DOCK9: variants seen among roughly 807,000 people sequenced by gnomAD.
DOCK9 encodes the protein dedicator of cytokinesis protein 9.
In DOCK9, 89 loss-of-function variants were observed where a neutral mutation model predicts 263.3. The ratio of observed to expected loss-of-function variants is 0.34; its 90% CI spans 0.28 to 0.40. The LOEUF is 0.40. DOCK9 is among the 10% of genes least tolerant of loss of function. The pLI is 1.00. For missense variants in DOCK9, 2,140 were observed against 2,603.4 expected, an observed-to-expected ratio of 0.82 and a Z score of 3.87; for synonymous variants, 976 against 973.1, an observed-to-expected ratio of 1.00 and a Z score of -0.06.
chr13:98,857,310 G>A (rs1359631211), intron 33 of DOCK9: 2 of 152,166 alleles, frequency 1.3e-5, no homozygotes, highest in East Asian at 3.9e-4. Context: ...CATGGACTGG[G>A]ATACTTCTAA....
At chr13:98,957,101 G>A (rs1298872198) in intron 1 of DOCK9, among the ~76,000 whole-genome samples, 1 of 152,096 alleles carries the variant, frequency 6.6e-6, no homozygotes, top group Non-Finnish European at 1.5e-5. Flanking sequence ...CCTTCCACGT[G>A]GCCCCTCCTC....
intron 1 of DOCK9, among the ~76,000 whole-genome samples, chr13:99,001,641 C>G (rs887066581): frequency 3.9e-5 from 6 of 152,174 alleles, no homozygotes; most frequent in African/African-American, 2.4e-5. Context: ...AGATGATAAG[C>G]CTATGGCTGA....
chr13:98,797,356 C>T (rs758409181), intron 51 of DOCK9, 33 bp downstream of exon 51: 13 of 1,609,420 alleles, frequency 8.1e-6, no homozygotes, highest in East Asian at 4.5e-5. Flanking sequence ...GATCAATACT[C>T]GAAGAGAAAA....
chr13:98,899,478 T>C lies in DOCK9; in HGVS notation c.1504-1217A>G, dbSNP rs151021161. On this transcript the variant is annotated intron_variant, in intron 13 of 52. Coordinates refer to ENST00000682017, the MANE Select transcript of DOCK9 (RefSeq NM_001366683.2). ...CATGCTGTAGGAACTGCTGCCTTCA[T>C]GAGTAACCTGGAAAATACATCCTAA... is the stretch of plus-strand genomic sequence containing the variant. Among the ~76,000 whole-genome samples, 694 of 152,322 alleles carry C rather than the reference T, an allele frequency of 4.6e-3. 7 individuals carry two copies. The highest frequency in any genetic ancestry group is 0.026 in the South Asian group (125 of 4,824).
chr13:98,969,571 T>C (rs2059533280), intron 1 of DOCK9, among the ~76,000 whole-genome samples: 1 of 151,574 alleles, frequency 6.6e-6, no homozygotes, highest in Non-Finnish European at 1.5e-5. Context: ...GAGACTGGAG[T>C]ATAAACCTTC....
intron 1 of DOCK9, among the ~76,000 whole-genome samples, chr13:99,072,335 G>A (rs2142382631): frequency 6.6e-6 from 1 of 152,276 alleles, no homozygotes; most frequent in East Asian, 1.9e-4. Context: ...AGAGGGTGAA[G>A]TAGGACATTG....
chr13:98,894,501 C>T (rs2047084697), intron 15 of DOCK9, among the ~76,000 whole-genome samples: 1 of 151,896 alleles, frequency 6.6e-6, no homozygotes, highest in Non-Finnish European at 1.5e-5. Flanking sequence ...TATAGTAATA[C>T]AGATATATTT....
chr13:99,080,260 T>TACAC (rs35014572), intron 1 of DOCK9, among the ~76,000 whole-genome samples: 1 of 151,736 alleles, frequency 6.6e-6, no homozygotes, highest in African/African-American at 2.4e-5. Context: ...CCTAAGTGCC[T>TACAC]ACACACACAC....
intron 1 of DOCK9, among the ~76,000 whole-genome samples, chr13:99,040,944 T>G (rs1400115098): frequency 6.6e-6 from 1 of 152,188 alleles, no homozygotes; most frequent in African/African-American, 2.4e-5. Context: ...GAGTTGGTTT[T>G]CTGATTCCCA....
intron 49 of DOCK9, among the ~76,000 whole-genome samples, chr13:98,804,756 G>T (rs549516968): frequency 6.6e-6 from 1 of 152,316 alleles, no homozygotes; most frequent in East Asian, 1.9e-4. Flanking sequence ...TCTCAGAAGG[G>T]TAAGTGACCT....
rs1746755306 is a variant in DOCK9, at chr13:98,853,394, A to C, written c.3946+14T>G. The C allele has an allele frequency of 9.0e-6, 14 of 1,564,086 alleles. No homozygotes were observed. The highest frequency in any genetic ancestry group is 1.2e-5 in the Non-Finnish European group (14 of 1,145,704). Reference sequence around the variant, plus strand: ...TGAAACGAGCAAAACAGAAATCTCCATTTTTTAACCTACCATCAGACATGC... The same window carrying C: ...TGAAACGAGCAAAACAGAAATCTCCCTTTTTTAACCTACCATCAGACATGC... On this transcript the variant is annotated intron_variant, in intron 35 of 52. Coordinates refer to ENST00000682017, the MANE Select transcript of DOCK9 (RefSeq NM_001366683.2).
intron 1 of DOCK9, among the ~76,000 whole-genome samples, chr13:98,963,828 AG>A (rs1438666746): frequency 6.6e-6 from 1 of 152,252 alleles, no homozygotes; most frequent in Non-Finnish European, 1.5e-5. Context: ...TGCAACAAAA[AG>A]GGGCTTCTGA....
chr13:98,989,004 T>C (rs1370556006), intron 1 of DOCK9, among the ~76,000 whole-genome samples: 1 of 152,106 alleles, frequency 6.6e-6, no homozygotes, highest in Non-Finnish European at 1.5e-5. Context: ...CCCTGGCCCT[T>C]CCTCACCACT....
chr13:98,865,353 C>T (rs73556938), intron 30 of DOCK9, among the ~76,000 whole-genome samples: 8,856 of 152,148 alleles, frequency 0.058, 667 homozygotes, highest in African/African-American at 0.16. Flanking sequence ...ATTGTAAGTG[C>T]GAGCCACTGC....
At chr13:98,903,139 A>G (rs1191960594) in intron 10 of DOCK9, 27 bp from the exon 11 acceptor site, 5 of 1,472,942 alleles carry the variant, frequency 3.4e-6, no homozygotes, top group Non-Finnish European at 4.5e-6. Context: ...AAACATATAA[A>G]TAAGTTATGC....
upstream of DOCK9, among the ~76,000 whole-genome samples, chr13:99,087,058 C>A (rs2042364429): frequency 6.6e-6 from 1 of 151,912 alleles, no homozygotes; most frequent in Admixed American, 6.5e-5. Flanking sequence ...CCCCCCTCTG[C>A]GCCCGGGGCC....
In DOCK9 at chr13:98,879,909, A is replaced by T; in HGVS notation, c.2932T>A (p.Ser978Thr). Residue 978 changes from serine (S) to threonine (T), a missense_variant, in exon 27 of 53, where the codon TCC (serine) becomes ACC (threonine). Physicochemically the swap from Ser to Thr is moderately conservative, Grantham distance 58. Coordinates refer to ENST00000682017, the MANE Select transcript of DOCK9 (RefSeq NM_001366683.2). ...TTGAAGTAACATACCTTAACTTTGGAGTTCTCTATCAAATGCTGAGCCATA... is the reference window on the plus strand; with the variant it reads ...TTGAAGTAACATACCTTAACTTTGGTGTTCTCTATCAAATGCTGAGCCATA... ...KSMAQHLIEN[S>T]KVKLLRNQRF... 6.2e-7 allele frequency: 1 copy of T among 1,606,770 alleles called. No homozygotes were observed. The highest frequency in any genetic ancestry group is 1.1e-5 in the South Asian group (1 of 89,176).
At chr13:99,009,987 T>A (rs1270963819) in intron 1 of DOCK9, among the ~76,000 whole-genome samples, 5 of 150,558 alleles carry the variant, frequency 3.3e-5, no homozygotes, top group Non-Finnish European at 7.4e-5. Flanking sequence ...TTTAAGGTTT[T>A]AAGGCCATAA....
rs528529095 is a variant in DOCK9, at chr13:98,836,333, A to G, written c.4314+1161T>C. 3.9e-5 allele frequency among the ~76,000 whole-genome samples: 6 copies of G among 152,092 alleles called. No individual in the cohort carries two copies. The East Asian group carries it at 1.2e-3, about 29-fold the overall frequency. On this transcript the variant is annotated intron_variant, in intron 39 of 52. Coordinates refer to ENST00000682017, the MANE Select transcript of DOCK9 (RefSeq NM_001366683.2). The stretch of plus-strand genomic sequence containing the variant: ...GCATGGCCAGATATTCACTTTTAAA[A>G]CCTTCCTTGCCTATTTACTAAGAAT...
Sources: gnomAD v4.1 joint callset for allele counts (sites outside exome capture counted in the v4.1 genomes callset) on GRCh38, gnomAD v4.1.1 for gene constraint, MANE v1.5 for transcripts, NCBI Gene and HGNC (gene_info 2026-07-23, HGNC 2026-07-21) for gene names.